The following NEBL variants were observed in gnomAD, a reference collection of about 807,000 sequenced individuals.
NEBL encodes LIM and SH3 protein 2.
Under a neutral mutation model 140.2 loss-of-function variants are expected in NEBL, and 122 were observed. The observed-to-expected ratio is 0.87, with a 90% confidence interval of 0.75 to 1.01. The LOEUF is 1.01. Ranked by LOEUF, NEBL falls within the 50% of genes least tolerant of loss-of-function variation. The pLI is 0.00. For synonymous variants in NEBL, 436 were observed against 398.9 expected (o/e 1.09, Z -1.11); for missense variants, 1,365 against 1,231.3 (o/e 1.11, Z -1.62).
intron 3 of NEBL, among the ~76,000 whole-genome samples, chr10:21,209,397 T>C (rs1416824009): frequency 6.6e-6 from 1 of 152,196 alleles, no homozygotes; most frequent in African/African-American, 2.4e-5. Flanking sequence ...CTGTTTTTTG[T>C]TTGTTTTTGC....
chr10:21,031,576 A>G (rs1032876837), intron 2 of NEBL, among the ~76,000 whole-genome samples: 3 of 152,206 alleles, frequency 2.0e-5, no homozygotes, highest in African/African-American at 4.8e-5. Context: ...ATGTTAACAG[A>G]TTTGTTTAAG....
At chr10:20,810,004 G>C (rs1837984177) in intron 24 of NEBL, 106 bp from the exon 25 acceptor site, 1 of 790,826 alleles carries the variant, frequency 1.3e-6, no homozygotes. Context: ...GTCTGCAAAG[G>C]AATAGATATA....
rs1554830679 is a variant in NEBL at position 21,169,067 on chromosome 10, A to AAAATATATAT, written c.164+3315_164+3316insATATATATTT. On this transcript the variant is annotated intron_variant, in intron 2 of 6. Transcript: ENST00000417816. ...CCGTCTACAAAAAAAAAAAAAAAAA[A>AAAATATATAT]ATATATATATATATATATATATATA... Among the ~76,000 whole-genome samples, 76 of 23,010 alleles carry AAAATATATAT rather than the reference A, an allele frequency of 3.3e-3. 2 individuals are homozygous for AAAATATATAT. The highest frequency in any genetic ancestry group is 5.4e-3 in the Non-Finnish European group (62 of 11,484). 15.1% of individuals were successfully genotyped at this position (23,010 alleles called of 152,430 possible).
At chr10:21,214,521 C>T (rs1036995477) in intron 3 of NEBL, among the ~76,000 whole-genome samples, 1 of 151,046 alleles carries the variant, frequency 6.6e-6, no homozygotes, top group Non-Finnish European at 1.5e-5. Context: ...TGCACACATG[C>T]ACATTACACA....
chr10:20,799,006 G>T (rs184680395), intron 26 of NEBL, among the ~76,000 whole-genome samples: 1 of 152,110 alleles, frequency 6.6e-6, no homozygotes, highest in Non-Finnish European at 1.5e-5. Context: ...CAGAATGAAC[G>T]AATACTTGCG....
In NEBL at chr10:20,815,856, T is replaced by C. The variant is rs71578955; in HGVS notation, c.2149-139A>G. 5.3e-3 allele frequency: 3,645 copies of C among 688,052 alleles called. 164 individuals are homozygous for C. The East Asian group carries it at 0.089, about 17-fold the overall frequency. The allele number at this position is 688,052 out of a possible 1,614,324, so 42.6% of individuals were successfully genotyped here. On this transcript the variant is annotated intron_variant, in intron 21 of 27. Transcript: ENST00000377122. ...CAATCTTTGCTCACCACAGCCTCGA[T>C]CTCCCAGGCTCAGGCAATCCTCCCA...
At chr10:21,068,889 T>C (rs771423577) in intron 2 of NEBL, among the ~76,000 whole-genome samples, 5 of 152,172 alleles carry the variant, frequency 3.3e-5, no homozygotes, top group Non-Finnish European at 5.9e-5. Context: ...GTTGTTATTG[T>C]TGTTGTTGTT....
At chr10:20,980,062 A>C (rs1836971405) in intron 3 of NEBL, among the ~76,000 whole-genome samples, 1 of 150,884 alleles carries the variant, frequency 6.6e-6, no homozygotes, top group Non-Finnish European at 1.5e-5. Context: ...AAAAAAAAAA[A>C]AACAAACCAT....
At chr10:20,787,109 A>G in intron 27 of NEBL, 93 bp downstream of exon 27, 1 of 1,001,620 alleles carries the variant, frequency 1.0e-6, no homozygotes, top group Non-Finnish European at 1.5e-6. Flanking sequence ...GAAAATACCC[A>G]ATATTCAATT....
intron 14 of NEBL, among the ~76,000 whole-genome samples, chr10:20,834,673 A>G (rs10128348): frequency 0.41 from 62,659 of 151,964 alleles, 13,786 homozygotes; most frequent in African/African-American, 0.57. Context: ...CACCTAACCA[A>G]CCTTGAGATA....
rs565130011 is a variant in NEBL, at chr10:20,857,396, C to T, written c.903+844G>A. Among the ~76,000 whole-genome samples, 9 of 152,254 alleles carry T rather than the reference C, an allele frequency of 5.9e-5. No individual in the cohort carries two copies. In the East Asian group the frequency reaches 1.7e-3, roughly 29 times the overall value. On this transcript the variant is annotated intron_variant, in intron 9 of 27. Coordinates refer to ENST00000377122, the MANE Select transcript of NEBL (RefSeq NM_006393.3). ...CTATCTTCATTTTTTCTCATGTCTTCCCCAACATATATTTCTGCATCTAAT... is the reference window on the plus strand; with the variant it reads ...CTATCTTCATTTTTTCTCATGTCTTTCCCAACATATATTTCTGCATCTAAT...
intron 1 of NEBL, among the ~76,000 whole-genome samples, chr10:21,256,214 C>G (rs118043066): frequency 0.032 from 4,871 of 152,106 alleles, 121 homozygotes; most frequent in South Asian, 0.11. Flanking sequence ...ATTACACACA[C>G]CCACCACCAT....
intron 3 of NEBL, among the ~76,000 whole-genome samples, chr10:21,000,653 TAGA>T (rs1018051245): frequency 1.3e-4 from 20 of 152,156 alleles, no homozygotes; most frequent in African/African-American, 4.8e-4. Context: ...CATTTTGAGA[TAGA>T]AGGTTAAATA....
intron 3 of NEBL, among the ~76,000 whole-genome samples, chr10:21,015,808 C>T (rs1303018257): frequency 2.0e-5 from 3 of 152,290 alleles, no homozygotes; most frequent in African/African-American, 4.8e-5. Flanking sequence ...CCACAGCACC[C>T]GGCTAGAAAT....
chr10:20,828,680 G>GCACA, intron 16 of NEBL, 46 bp from the exon 17 acceptor site: 1 of 1,268,236 alleles, frequency 7.9e-7, no homozygotes, highest in Non-Finnish European at 1.1e-6. Flanking sequence ...ATGTGTGTGC[G>GCACA]CACATGTGAG....
At chr10:20,983,615 C>T (rs563502895) in intron 3 of NEBL, among the ~76,000 whole-genome samples, 27 of 152,266 alleles carry the variant, frequency 1.8e-4, no homozygotes, top group East Asian at 1.9e-4. Context: ...TGATAACTAG[C>T]GCAGTCTAAT....
At chr10:21,224,488 G>A (rs1842117729) in intron 3 of NEBL, among the ~76,000 whole-genome samples, 1 of 152,014 alleles carries the variant, frequency 6.6e-6, no homozygotes, top group African/African-American at 2.4e-5. Flanking sequence ...GATAGTTTTG[G>A]CTATTCTGGG....
intron 1 of NEBL, among the ~76,000 whole-genome samples, chr10:21,272,245 G>A (rs566460421): frequency 1.1e-4 from 16 of 149,042 alleles, no homozygotes; most frequent in South Asian, 1.1e-3. Context: ...AATTACAGGC[G>A]TAAGCCACCG....
At chr10:21,282,424 T>C (rs1476359443) in intron 1 of NEBL, among the ~76,000 whole-genome samples, 1 of 151,848 alleles carries the variant, frequency 6.6e-6, no homozygotes, top group Non-Finnish European at 1.5e-5. Context: ...GCTACCATAG[T>C]GTCAGGGAAT....
Sources: gnomAD v4.1 joint callset for allele counts (sites outside exome capture counted in the v4.1 genomes callset) on GRCh38, gnomAD v4.1.1 for gene constraint, MANE v1.5 for transcripts, NCBI Gene and HGNC (gene_info 2026-07-23, HGNC 2026-07-21) for gene names.